CADM1: variants seen among roughly 807,000 people sequenced by gnomAD.
The protein encoded by CADM1 is cell adhesion molecule 1, also known as TSLC-1.
A neutral mutation model predicts 53.1 loss-of-function variants in CADM1; 15 were observed. That is an observed-to-expected ratio of 0.28 (90% CI 0.19 to 0.44). CADM1 has a LOEUF of 0.44. Among genes scored for constraint, CADM1 ranks in the 20% least tolerant of loss-of-function variants. CADM1 has a pLI of 1.00. For missense variants in CADM1, 434 were observed against 611.3 expected (o/e 0.71, Z 3.06); for synonymous variants, 281 against 243.0 (o/e 1.16, Z -1.45).
intron 1 of CADM1, among the ~76,000 whole-genome samples, chr11:115,407,552 G>A (rs1335371686): frequency 6.6e-6 from 1 of 152,100 alleles, no homozygotes; most frequent in Non-Finnish European, 1.5e-5. Flanking sequence ...CCAGCCAAGA[G>A]GACCACTTTT....
At chr11:115,304,811 T>C (rs1445257823) in intron 1 of CADM1, among the ~76,000 whole-genome samples, 1 of 152,032 alleles carries the variant, frequency 6.6e-6, no homozygotes, top group African/African-American at 2.4e-5. Context: ...AGCTTCACTT[T>C]TATTAAGTGC....
chr11:115,423,431 G>T (rs189859708), intron 1 of CADM1, among the ~76,000 whole-genome samples: 8 of 152,248 alleles, frequency 5.3e-5, no homozygotes, highest in African/African-American at 1.9e-4. Context: ...ACAAAACCCA[G>T]AACTAACTTT....
intron 1 of CADM1, among the ~76,000 whole-genome samples, chr11:115,421,555 C>T (rs1445493931): frequency 2.6e-5 from 4 of 152,206 alleles, no homozygotes; most frequent in African/African-American, 9.6e-5. Context: ...TTAGACTCAT[C>T]AAGTTTATGA....
At position 115,215,293 on chromosome 11, in the gene CADM1, G is replaced by A. The variant is rs554228887; in HGVS notation, c.822-513C>T. 2.0e-5 allele frequency among the ~76,000 whole-genome samples: 3 copies of A among 152,256 alleles called. No homozygotes were observed. The South Asian group carries it at 6.2e-4, about 32-fold the overall frequency. On this transcript the variant is annotated intron_variant, in intron 6 of 11. Coordinates refer to ENST00000331581, the MANE Select transcript of CADM1 (RefSeq NM_001301043.2). The stretch of plus-strand genomic sequence containing the variant: ...TGAATAGTGCTTTTCTTGGGCCTCT[G>A]TTTGAAAAACCACCTTTGATTCTGG...
intron 1 of CADM1, among the ~76,000 whole-genome samples, chr11:115,449,273 T>C (rs1948519194): frequency 6.6e-6 from 1 of 152,198 alleles, no homozygotes; most frequent in Non-Finnish European, 1.5e-5. Context: ...ACTGACAAAA[T>C]GGACAGACTA....
chr11:115,447,049 C>A (rs1410648995), intron 1 of CADM1, among the ~76,000 whole-genome samples: 1 of 152,148 alleles, frequency 6.6e-6, no homozygotes. Flanking sequence ...GTTTCAGAAT[C>A]TGATATATGG....
intron 10 of CADM1, 49 bp downstream of exon 10, chr11:115,190,839 C>A (rs1047584682): frequency 1.4e-6 from 2 of 1,472,156 alleles, no homozygotes; most frequent in Non-Finnish European, 1.9e-6. Flanking sequence ...GTGGATAGAG[C>A]ACCCACAGGT....
At chr11:115,457,079 A>C (rs1399111539) in intron 1 of CADM1, among the ~76,000 whole-genome samples, 1 of 152,152 alleles carries the variant, frequency 6.6e-6, no homozygotes, top group Non-Finnish European at 1.5e-5. Flanking sequence ...GCCAGGTACT[A>C]TATATTAAGG....
intron 1 of CADM1, among the ~76,000 whole-genome samples, chr11:115,312,180 G>T (rs972247423): frequency 1.3e-5 from 2 of 152,144 alleles, no homozygotes; most frequent in Non-Finnish European, 2.9e-5. Context: ...GGGAAAGGTG[G>T]CAATTGGTTA....
At chr11:115,244,960 C>T (rs888617715) in intron 1 of CADM1, among the ~76,000 whole-genome samples, 2 of 152,200 alleles carry the variant, frequency 1.3e-5, no homozygotes, top group African/African-American at 2.4e-5. Context: ...CACAAGCTCT[C>T]GCCCCCGCTG....
rs1261935881 is a variant in CADM1, at chr11:115,176,329, A to T, written c.*145T>A. ...CAAAGAACATTTTTTTTTTTTTTACACAGCAAATCCCAAGCCTTCCCAGTC... is the reference window on the plus strand; with the variant it reads ...CAAAGAACATTTTTTTTTTTTTTACTCAGCAAATCCCAAGCCTTCCCAGTC... On this transcript the variant is annotated 3_prime_UTR_variant, in exon 12 of 12. Coordinates refer to ENST00000331581, the MANE Select transcript of CADM1 (RefSeq NM_001301043.2). 11 of 1,526,264 alleles carry T rather than the reference A, an allele frequency of 7.2e-6. No individual in the cohort carries two copies. In the Admixed American group the frequency reaches 1.0e-4, roughly 14 times the overall value. The allele number at this position is 1,526,264 out of a possible 1,614,324, so 94.5% of individuals were successfully genotyped here. A position where few individuals can be genotyped will look rare whatever the true frequency, so the allele number is the denominator to read the frequency against.
intron 6 of CADM1, among the ~76,000 whole-genome samples, chr11:115,216,294 G>A (rs1941179149): frequency 6.6e-6 from 1 of 152,182 alleles, no homozygotes; most frequent in Non-Finnish European, 1.5e-5. Flanking sequence ...TCCCTTCTCT[G>A]GCATAAATGT....
intron 8 of CADM1, among the ~76,000 whole-genome samples, chr11:115,208,991 G>A (rs761264677): frequency 1.3e-5 from 2 of 152,216 alleles, no homozygotes; most frequent in Admixed American, 6.5e-5. Flanking sequence ...ATATGTGACC[G>A]AGGGCAGGGA....
chr11:115,481,104 C>T (rs1193637434), intron 1 of CADM1, among the ~76,000 whole-genome samples: 2 of 152,282 alleles, frequency 1.3e-5, no homozygotes, highest in Non-Finnish European at 2.9e-5. Context: ...TTCTACACCT[C>T]CTTATTTCCA....
rs4451766 is a variant in CADM1, at chr11:115,368,203, G to C, written c.125-127783C>G. Among the ~76,000 whole-genome samples the C allele has an allele frequency of 8.3e-4, 123 of 147,338 alleles. 1 individual carries two copies. The highest frequency in any genetic ancestry group is 2.9e-3 in the African/African-American group (115 of 40,118). On this transcript the variant is annotated intron_variant, in intron 1 of 11. Coordinates refer to ENST00000331581, the MANE Select transcript of CADM1 (RefSeq NM_001301043.2). ...GGGGGATAGCCGTTTTTAAAATTCA[G>C]GTGTGGCACGGTTACCACAAGTACC...
intron 2 of CADM1, among the ~76,000 whole-genome samples, chr11:115,239,190 T>C (rs2134904707): frequency 6.6e-6 from 1 of 152,286 alleles, no homozygotes; most frequent in East Asian, 1.9e-4. Flanking sequence ...AAAGCCTTCA[T>C]ATTAATTACA....
intron 1 of CADM1, among the ~76,000 whole-genome samples, chr11:115,406,102 G>C (rs1947305964): frequency 6.6e-6 from 1 of 152,044 alleles, no homozygotes; most frequent in African/African-American, 2.4e-5. Context: ...GTTTTCTCAT[G>C]GGGATATTTC....
intron 1 of CADM1, among the ~76,000 whole-genome samples, chr11:115,320,810 T>C (rs960953064): frequency 6.6e-6 from 1 of 152,088 alleles, no homozygotes; most frequent in East Asian, 1.9e-4. Flanking sequence ...CCTTATGTAA[T>C]ATAGGGGAAA....
At chr11:115,255,705 A>C (rs568207562) in intron 1 of CADM1, among the ~76,000 whole-genome samples, 1 of 152,326 alleles carries the variant, frequency 6.6e-6, no homozygotes, top group South Asian at 2.1e-4. Context: ...GCCAGTTTCC[A>C]GGAATAAACA....
Sources: gnomAD v4.1 joint callset for allele counts (sites outside exome capture counted in the v4.1 genomes callset) on GRCh38, gnomAD v4.1.1 for gene constraint, MANE v1.5 for transcripts, NCBI Gene and HGNC (gene_info 2026-07-23, HGNC 2026-07-21) for gene names.